Variants in SCN3A observed in about 807,000 individuals in gnomAD.
SCN3A encodes the protein sodium channel protein type 3 subunit alpha.
SCN3A carries 60 observed loss-of-function variants against 187.6 expected under a neutral mutation model. The observed-to-expected ratio is 0.32, with a 90% CI of 0.26 to 0.40. The LOEUF (loss-of-function observed/expected upper bound fraction) is 0.40, where lower values mean the gene tolerates loss of function less well. Among genes scored for constraint, SCN3A ranks in the 10% least tolerant of loss-of-function variants. The pLI is 1.00. For synonymous variants in SCN3A, 788 were observed against 829.2 expected (o/e 0.95, Z 0.85); for missense variants, 1,601 against 2,428.2 (o/e 0.66, Z 7.16).
chr2:165,180,941 C>T (rs1203496010), intron 2 of SCN3A, among the ~76,000 whole-genome samples: 1 of 152,000 alleles, frequency 6.6e-6, no homozygotes, highest in Non-Finnish European at 1.5e-5. Context: ...CTTAGCTATC[C>T]ATACTTACCA....
chr2:165,188,804 C>CA (rs763003775), intron 1 of SCN3A, among the ~76,000 whole-genome samples: 4,969 of 71,778 alleles, frequency 0.069, 224 homozygotes, highest in African/African-American at 0.14. Context: ...CGCCCCACTT[C>CA]AAAAAAAAAA....
intron 26 of SCN3A, chr2:165,094,061 G>C: frequency 2.7e-6 from 1 of 368,452 alleles, no homozygotes; most frequent in South Asian, 3.0e-5. Context: ...AGAGTGGGAT[G>C]GGAAGGCTAG....
At chr2:165,122,592 G>A (rs1686761706) in intron 18 of SCN3A, among the ~76,000 whole-genome samples, 1 of 152,104 alleles carries the variant, frequency 6.6e-6, no homozygotes, top group South Asian at 2.1e-4. Context: ...GTTTTAAAAG[G>A]CTAAAGACTA....
chr2:165,117,506 G>A (rs765721710), intron 18 of SCN3A, among the ~76,000 whole-genome samples: 9 of 151,910 alleles, frequency 5.9e-5, no homozygotes, highest in African/African-American at 9.7e-5. Context: ...ATACACACAC[G>A]TATACCAACT....
In SCN3A at chr2:165,168,832, T is replaced by C; in HGVS notation, c.384-7A>G. The C allele has an allele frequency of 6.3e-7, 1 of 1,597,194 alleles. No individual in the cohort carries two copies. The highest frequency in any genetic ancestry group is 8.6e-7 in the Non-Finnish European group (1 of 1,165,020). On this transcript the variant is annotated splice_region_variant and splice_polypyrimidine_tract_variant and intron_variant, in intron 4 of 27. Coordinates refer to ENST00000283254, the MANE Select transcript of SCN3A (RefSeq NM_006922.4). The stretch of plus-strand genomic sequence containing the variant: ...GATAAGCATGCTGAATAAAGTAGAT[T>C]ATAGTTAAGGAATAAATGTTAGTAG...
chr2:165,168,893 CA>C (rs549306045), intron 4 of SCN3A, 68 bp from the exon 5 acceptor site: 2 of 1,104,494 alleles, frequency 1.8e-6, no homozygotes, highest in South Asian at 1.3e-5. Context: ...CCAAAACACA[CA>C]AAAAAGTTTA....
At chr2:165,131,474 G>T in intron 15 of SCN3A, 57 bp from the exon 16 acceptor site, 3 of 1,227,606 alleles carry the variant, frequency 2.4e-6, no homozygotes, top group South Asian at 1.6e-5. Context: ...GATGCTACAC[G>T]AATTTATAAA....
intron 11 of SCN3A, among the ~76,000 whole-genome samples, chr2:165,152,999 GAAA>G (rs74343120): frequency 8.3e-6 from 1 of 120,276 alleles, no homozygotes. Flanking sequence ...AAACAGCTTT[GAAA>G]AAAAAAAAAA....
At position 165,130,185 on chromosome 2, in the gene SCN3A, C is replaced by T. The variant is rs746237382; in HGVS notation, c.2677G>A (p.Val893Ile). ...ATGCCGACCACAGCAAAAATGAAGA[C>T]GATGATGGCCAACACCAAGGTGAGG... is the stretch of plus-strand genomic sequence containing the variant. The part of the protein sequence containing the change: ...GNLTLVLAII[V>I]FIFAVVGMQL... The change falls in exon 17 of 28, where the codon GTC becomes ATC. Residue 893 changes from valine (V) to isoleucine (I), a missense_variant. Around this residue, in one of 11 missense-constraint regions of SCN3A, gnomAD observed 91 missense variants for 207.0 expected, o/e 0.44. Transcript: ENST00000283254. 2.5e-6 allele frequency: 4 copies of T among 1,614,134 alleles called. No homozygotes were observed. Among genetic ancestry groups the T allele is most frequent in the African/African-American group, 1.3e-5 (1 of 75,038 alleles).
intron 9 of SCN3A, among the ~76,000 whole-genome samples, chr2:165,157,156 T>C (rs1040578331): frequency 6.6e-6 from 1 of 152,226 alleles, no homozygotes; most frequent in South Asian, 2.1e-4. Flanking sequence ...GTGATCCGCC[T>C]GCCTCGGCCT....
At position 165,090,087 on chromosome 2, in the gene SCN3A, C is replaced by A. The variant is rs1251232366; in HGVS notation, c.*63G>T. The A allele has an allele frequency of 1.3e-6, 2 of 1,544,688 alleles. No homozygotes were observed. The highest frequency in any genetic ancestry group is 2.0e-5 in the Admixed American group (1 of 50,870). ...GGACCTCCTCTTGAAGTCCAGTTGA[C>A]ACATATACTTTACCTTCATAGGCTG... On this transcript the variant is annotated 3_prime_UTR_variant, in exon 28 of 28. Coordinates refer to ENST00000283254, the MANE Select transcript of SCN3A (RefSeq NM_006922.4). This position sits in a 1 kb window ranked among gnomAD's most constrained non-coding sequence, Gnocchi z 4.0.
At chr2:165,139,706 C>A in intron 13 of SCN3A, 98 bp from the exon 14 acceptor site, 1 of 1,459,944 alleles carries the variant, frequency 6.8e-7, no homozygotes, top group Non-Finnish European at 9.5e-7. Flanking sequence ...TGCAATTTTT[C>A]CAGGTAAGAA....
chr2:165,193,280 T>G (rs1292473260), intron 1 of SCN3A, among the ~76,000 whole-genome samples: 1 of 152,172 alleles, frequency 6.6e-6, no homozygotes, highest in African/African-American at 2.4e-5. Context: ...TTCTATTTTA[T>G]GTAGTCAGGT....
intron 2 of SCN3A, among the ~76,000 whole-genome samples, chr2:165,177,770 C>T (rs1028494900): frequency 1.1e-4 from 16 of 152,100 alleles, no homozygotes; most frequent in African/African-American, 3.6e-4. Context: ...CTATCAAAAC[C>T]ACAAGAAATC....
At chr2:165,155,987 C>T in intron 9 of SCN3A, 84 bp from the exon 10 acceptor site, 1 of 1,520,426 alleles carries the variant, frequency 6.6e-7, no homozygotes, top group Non-Finnish European at 9.1e-7. Flanking sequence ...TTTTCAAAAC[C>T]CAAAGCTGCT....
chr2:165,117,665 C>A (rs1019412310), intron 18 of SCN3A, among the ~76,000 whole-genome samples: 1 of 151,926 alleles, frequency 6.6e-6, no homozygotes, highest in Non-Finnish European at 1.5e-5. Flanking sequence ...GAATTATAGT[C>A]TTTAGATAAT....
intron 10 of SCN3A, among the ~76,000 whole-genome samples, 178 bp downstream of exon 10, chr2:165,155,584 A>G (rs1688970653): frequency 6.6e-6 from 1 of 152,050 alleles, no homozygotes; most frequent in African/African-American, 2.4e-5. Flanking sequence ...ATTTTGGTAG[A>G]GATGGGGTTT....
At chr2:165,098,077 A>G (rs959444588) in intron 22 of SCN3A, among the ~76,000 whole-genome samples, 3 of 152,178 alleles carry the variant, frequency 2.0e-5, no homozygotes, top group Non-Finnish European at 2.9e-5. Flanking sequence ...AGGTTTATTA[A>G]GTTAGGGGAA....
chr2:165,161,137 CTTT>C lies in SCN3A; in HGVS notation c.1031+1168_1031+1170del, dbSNP rs61608647. 2.8e-3 allele frequency among the ~76,000 whole-genome samples: 264 copies of C among 93,398 alleles called. 1 individual carries two copies. Among genetic ancestry groups the C allele is most frequent in the Middle Eastern group, 9.1e-3 (1 of 110 alleles). The allele number at this position is 93,398 out of a possible 152,430, so 61.3% of individuals were successfully genotyped here. On this transcript the variant is annotated intron_variant, in intron 9 of 27. Coordinates refer to ENST00000283254, the MANE Select transcript of SCN3A (RefSeq NM_006922.4). Reference sequence around the variant, plus strand: ...TTTCTTTTCTTTTTTTTCTTTCTTTCTTTTTTTTTTTTTTTTTTTTTTTTTGTT... The same window carrying C: ...TTTCTTTTCTTTTTTTTCTTTCTTTCTTTTTTTTTTTTTTTTTTTTTTGTT...
Sources: gnomAD v4.1 joint callset for allele counts (sites outside exome capture counted in the v4.1 genomes callset) on GRCh38, gnomAD v4.1.1 for gene constraint, gnomAD v4.1.1 regional missense constraint, Gnocchi (gnomAD v3.1) non-coding constraint, MANE v1.5 for transcripts, NCBI Gene and HGNC (gene_info 2026-07-23, HGNC 2026-07-21) for gene names.